Variants in MTMR7 observed in about 807,000 individuals in gnomAD.
The protein encoded by MTMR7 is myotubularin related protein 7, also known as phosphatidylinositol-3-phosphate phosphatase MTMR7.
In MTMR7, 76 loss-of-function variants were observed where a neutral mutation model predicts 81.2. The ratio of observed to expected loss-of-function variants is 0.94; its 90% CI spans 0.78 to 1.13. The LOEUF (loss-of-function observed/expected upper bound fraction) is 1.13, where lower values mean the gene tolerates loss of function less well. Among genes scored for constraint, MTMR7 ranks in the 50% most tolerant of loss-of-function variants. The pLI is 0.00. For synonymous variants in MTMR7, 372 were observed against 289.8 expected (o/e 1.28, Z -2.88); for missense variants, 1,044 against 820.0 (o/e 1.27, Z -3.34).
At chr8:17,355,102 C>A (rs1376418442) in intron 4 of MTMR7, among the ~76,000 whole-genome samples, 2 of 152,144 alleles carry the variant, frequency 1.3e-5, no homozygotes, top group East Asian at 1.9e-4. Flanking sequence ...AAGGAAATCT[C>A]ATCAAAAACA....
In MTMR7 at chr8:17,317,032, G is replaced by T. The variant is rs577366142; in HGVS notation, c.866-3631C>A. On this transcript the variant is annotated intron_variant, in intron 7 of 13. Coordinates refer to ENST00000180173, the MANE Select transcript of MTMR7 (RefSeq NM_004686.5). Reference sequence around the variant, plus strand: ...TGGTAATGCTGATGCTTTAAGTTTTGCCAATCTTATAATATTTCTCTAAGA... The same window carrying T: ...TGGTAATGCTGATGCTTTAAGTTTTTCCAATCTTATAATATTTCTCTAAGA... Among the ~76,000 whole-genome samples the T allele has an allele frequency of 3.3e-5, 5 of 152,254 alleles. No homozygotes were observed. In the East Asian group the frequency reaches 9.7e-4, roughly 29 times the overall value.
chr8:17,391,079 C>G (rs918639564), intron 1 of MTMR7, among the ~76,000 whole-genome samples: 3 of 152,140 alleles, frequency 2.0e-5, no homozygotes, highest in African/African-American at 7.2e-5. Flanking sequence ...GAGGGAACAA[C>G]AAATGACAAG....
At chr8:17,399,970 G>T (rs950631398) in intron 1 of MTMR7, among the ~76,000 whole-genome samples, 2 of 151,016 alleles carry the variant, frequency 1.3e-5, no homozygotes, top group African/African-American at 4.9e-5. Context: ...TATCTTTTCT[G>T]GTTCCATTTC....
chr8:17,351,985 T>C (rs914197783), intron 4 of MTMR7, among the ~76,000 whole-genome samples: 1 of 152,188 alleles, frequency 6.6e-6, no homozygotes, highest in African/African-American at 2.4e-5. Context: ...CCTGTGTTCA[T>C]GCACTGGAAG....
At chr8:17,310,804 G>A (rs141625161) in intron 9 of MTMR7, among the ~76,000 whole-genome samples, 16 of 152,246 alleles carry the variant, frequency 1.1e-4, no homozygotes, top group African/African-American at 2.2e-4. Flanking sequence ...TGTGTAGCAC[G>A]GATTCATGAT....
chr8:17,330,619 G>A (rs1271598215), intron 7 of MTMR7, among the ~76,000 whole-genome samples: 2 of 152,166 alleles, frequency 1.3e-5, no homozygotes, highest in Non-Finnish European at 2.9e-5. Flanking sequence ...TAAGTCTGTG[G>A]GTACGTGTCT....
At chr8:17,393,998 A>G (rs1821177820) in intron 1 of MTMR7, among the ~76,000 whole-genome samples, 1 of 152,204 alleles carries the variant, frequency 6.6e-6, no homozygotes. Context: ...AAACTACCAC[A>G]AGATACCGCT....
At chr8:17,408,367 G>A (rs1445464607) in intron 1 of MTMR7, among the ~76,000 whole-genome samples, 1 of 50,902 alleles carries the variant, frequency 2.0e-5, no homozygotes, top group African/African-American at 3.9e-5. Context: ...CCACAGTCCG[G>A]CCTGGGCGAC....
At chr8:17,407,132 A>C (rs1484173554) in intron 1 of MTMR7, among the ~76,000 whole-genome samples, 1 of 152,102 alleles carries the variant, frequency 6.6e-6, no homozygotes, top group Non-Finnish European at 1.5e-5. Flanking sequence ...TACTTCAATA[A>C]AGCTATTGAA....
chr8:17,357,929 A>C (rs938496895), intron 4 of MTMR7, among the ~76,000 whole-genome samples: 35 of 152,296 alleles, frequency 2.3e-4, no homozygotes, highest in African/African-American at 7.5e-4. Flanking sequence ...TCTACTTTGT[A>C]GGATGATTTA....
intron 1 of MTMR7, among the ~76,000 whole-genome samples, chr8:17,404,821 TTTTG>T (rs531694799): frequency 2.0e-5 from 3 of 152,072 alleles, no homozygotes; most frequent in Non-Finnish European, 4.4e-5. Context: ...TTTGTTGTTG[TTTTG>T]TTTTTGTTTT....
chr8:17,320,981 T>TA (rs2150508647), intron 7 of MTMR7, among the ~76,000 whole-genome samples: 1 of 147,486 alleles, frequency 6.8e-6, no homozygotes, highest in African/African-American at 2.5e-5. Flanking sequence ...CTTCCATAGA[T>TA]AACATTCTCT....
chr8:17,363,592 G>A (rs966603131), intron 3 of MTMR7, among the ~76,000 whole-genome samples: 1 of 152,094 alleles, frequency 6.6e-6, no homozygotes, highest in Non-Finnish European at 1.5e-5. Context: ...CTGAAATTAT[G>A]AAATTTTCCC....
intron 3 of MTMR7, among the ~76,000 whole-genome samples, chr8:17,365,857 C>T (rs986964631): frequency 4.6e-5 from 7 of 152,154 alleles, no homozygotes; most frequent in South Asian, 4.1e-4. Flanking sequence ...AAATACTACA[C>T]GAAATTAAGG....
At chr8:17,398,824 T>C (rs1438897823) in intron 1 of MTMR7, among the ~76,000 whole-genome samples, 2 of 152,206 alleles carry the variant, frequency 1.3e-5, no homozygotes, top group Non-Finnish European at 2.9e-5. Flanking sequence ...AAGAAGGGGA[T>C]ATGAAGTGAA....
intron 1 of MTMR7, among the ~76,000 whole-genome samples, chr8:17,384,333 C>G (rs7461142): frequency 0.5 from 76,515 of 151,930 alleles, 20,214 homozygotes; most frequent in Admixed American, 0.64. Flanking sequence ...ATGGTTTGAG[C>G]CCAGGAGTTT....
intron 1 of MTMR7, among the ~76,000 whole-genome samples, chr8:17,409,425 G>C (rs113653129): frequency 0.011 from 1,411 of 123,262 alleles, 26 homozygotes; most frequent in African/African-American, 0.031. Flanking sequence ...GATCACACCA[G>C]TGCACTCCAG....
intron 1 of MTMR7, among the ~76,000 whole-genome samples, chr8:17,387,435 C>G (rs1348620011): frequency 6.6e-6 from 1 of 152,146 alleles, no homozygotes; most frequent in Non-Finnish European, 1.5e-5. Flanking sequence ...AAATTCACCC[C>G]AGTAATCTTG....
intron 1 of MTMR7, among the ~76,000 whole-genome samples, chr8:17,374,034 G>T (rs1410452391): frequency 1.3e-5 from 2 of 152,162 alleles, no homozygotes; most frequent in Non-Finnish European, 2.9e-5. Flanking sequence ...AACCACCAGA[G>T]GAACATTCCT....
Sources: allele counts gnomAD v4.1 joint callset (sites outside exome capture counted in the v4.1 genomes callset), GRCh38; gene constraint gnomAD v4.1.1; transcripts MANE v1.5; gene names NCBI Gene and HGNC (gene_info 2026-07-23, HGNC 2026-07-21).